Variants in COA6 observed in about 807,000 individuals in gnomAD.
COA6 encodes cytochrome c oxidase assembly factor 6.
A neutral mutation model predicts 17.1 loss-of-function variants in COA6; 12 were observed. The ratio of observed to expected loss-of-function variants is 0.70; its 90% CI spans 0.45 to 1.14. COA6 has a LOEUF of 1.14. Among genes scored for constraint, COA6 ranks in the 50% most tolerant of loss-of-function variants. COA6 has a pLI of 0.00. For synonymous variants in COA6, 90 were observed against 73.4 expected (o/e 1.23, Z -1.16); for missense variants, 246 against 196.5 (o/e 1.25, Z -1.51).
chr1:234,377,073 AGAGAGAG>A (rs1558124886), intron 2 of COA6, among the ~76,000 whole-genome samples: 1 of 98,022 alleles, frequency 1.0e-5, no homozygotes, highest in East Asian at 3.4e-4. Context: ...AGAGAGAGAG[AGAGAGAG>A]AGAGAGAGAG....
Position 234,382,333 on chromosome 1 carries a change from G to A in COA6, c.373-1390G>A, listed in dbSNP as rs559927596. ...AAGGCTGCTTCTGTGTCAGGGCGCC[G>A]TAGATCTTCTAGACAAAAGTGGGAT... On this transcript the variant is annotated intron_variant, in intron 2 of 2. Transcript: ENST00000366615. 1.7e-4 allele frequency among the ~76,000 whole-genome samples: 26 copies of A among 152,300 alleles called. No individual in the cohort carries two copies. The East Asian group carries it at 4.4e-3, about 26-fold the overall frequency.
chr1:234,383,032 AAGGAAGGGAGGG>A (rs1349890243), intron 2 of COA6, among the ~76,000 whole-genome samples: 5 of 58,758 alleles, frequency 8.5e-5, no homozygotes, highest in South Asian at 1.8e-3. Flanking sequence ...AGAGAGAGAG[AAGGAAGGGAGGG>A]AGGGAGGGAG....
In COA6 at chr1:234,384,055, G is replaced by GT. The variant is rs1659060416; in HGVS notation, c.*241dup. 1 of 339,108 alleles carries GT rather than the reference G, an allele frequency of 2.9e-6. No homozygotes were observed. The highest frequency in any genetic ancestry group is 4.4e-5 in the Admixed American group (1 of 22,762). The allele number at this position is 339,108 out of a possible 1,614,324, so 21.0% of individuals were successfully genotyped here. ...ACCTGTTATAAACACATGCACTTTT[G>GT]TTTTGTTTTTGTTTTGTTTTTAATT... On this transcript the variant is annotated 3_prime_UTR_variant, in exon 3 of 3. Transcript: ENST00000366615.
In COA6 at chr1:234,384,093, G is replaced by A. The variant is rs1659062220; in HGVS notation, c.*275G>A. On this transcript the variant is annotated 3_prime_UTR_variant, in exon 3 of 3. Transcript: ENST00000366615. ...TTTGTTTTTAATTAGAGGATGGGTA[G>A]TAGGCAGATGATAAAATTTATAATA... is the stretch of plus-strand genomic sequence containing the variant. 3 of 251,862 alleles carry A rather than the reference G, an allele frequency of 1.2e-5. No homozygotes were observed. Among genetic ancestry groups the A allele is most frequent in the East Asian group, 1.6e-4 (2 of 12,740 alleles). 15.6% of individuals were successfully genotyped at this position (251,862 alleles called of 1,614,324 possible).
In COA6 at chr1:234,373,666, G is replaced by A; in HGVS notation, c.200G>A (p.Gly67Glu). Residue 67 changes from glycine to glutamate, a missense_variant, in exon 1 of 3, where the codon GGG becomes GAG. Transcript: ENST00000366615. Reference sequence around the variant, plus strand: ...CGACATCGAAAGGAAGCCGGACGTGGGCGGGCAGAGAGGTCGGCTTGCTGA... The same window carrying A: ...CGACATCGAAAGGAAGCCGGACGTGAGCGGGCAGAGAGGTCGGCTTGCTGA... The part of the protein sequence containing the change: ...SRRHRKEAGR[G>E]RAESFIAVGM... 1 of 1,613,018 alleles carries A rather than the reference G, an allele frequency of 6.2e-7. No homozygotes were observed. Among genetic ancestry groups the A allele is most frequent in the East Asian group, 2.2e-5 (1 of 44,874 alleles).
At position 234,384,621 on chromosome 1, in the gene COA6, T is replaced by C. The variant is rs1417611550; in HGVS notation, c.*803T>C. Reference sequence around the variant, plus strand: ...GGAATACTTAGGTATAAATCTAATATATGGAGGCCTCTATGCTGAGAACTA... The same window carrying C: ...GGAATACTTAGGTATAAATCTAATACATGGAGGCCTCTATGCTGAGAACTA... On this transcript the variant is annotated 3_prime_UTR_variant, in exon 3 of 3. Transcript: ENST00000366615. Among the ~76,000 whole-genome samples, 3 of 152,180 alleles carry C rather than the reference T, an allele frequency of 2.0e-5. No individual in the cohort carries two copies. In the East Asian group the frequency reaches 5.8e-4, roughly 29 times the overall value.
chr1:234,373,726 C>T lies in COA6; in HGVS notation c.212+48C>T, dbSNP rs1658686135. 1 of 1,613,850 alleles carries T rather than the reference C, an allele frequency of 6.2e-7. No homozygotes were observed. Among genetic ancestry groups the T allele is most frequent in the Non-Finnish European group, 8.5e-7 (1 of 1,180,012 alleles). On this transcript the variant is annotated intron_variant, in intron 1 of 2. Coordinates refer to ENST00000366615, the MANE Select transcript of COA6 (RefSeq NM_001206641.3). ...GTGGGGCGCGCGTGGACTATGGGCC[C>T]GGGAGGTCCCTTACTGTCCCCGAGC...
rs570450661 is a variant in COA6 at position 234,380,306 on chromosome 1, T to C, written c.373-3417T>C. ...GAGGGCAAGTAAATGGAAATCTCTT[T>C]TGAGTGCATTCTGAATGAGATGCTT... is the stretch of plus-strand genomic sequence containing the variant. On this transcript the variant is annotated intron_variant, in intron 2 of 2. Transcript: ENST00000366615. 1.3e-5 allele frequency among the ~76,000 whole-genome samples: 2 copies of C among 152,348 alleles called. 1 individual carries two copies. Among genetic ancestry groups the C allele is most frequent in the African/African-American group, 4.8e-5 (2 of 41,586 alleles).
rs1460173528 is a variant in COA6 at position 234,379,198 on chromosome 1, CTTAG to C, written c.373-4523_373-4520del. On this transcript the variant is annotated intron_variant, in intron 2 of 2. Transcript: ENST00000366615. Reference sequence around the variant, plus strand: ...CCCGGCCATGGTTGGTGCTTTTACTCTTAGTAATACAGGAAGCTATTGGAGAGCT... The same window carrying C: ...CCCGGCCATGGTTGGTGCTTTTACTCTAATACAGGAAGCTATTGGAGAGCT... Among the ~76,000 whole-genome samples, 149 of 151,734 alleles carry C rather than the reference CTTAG, an allele frequency of 9.8e-4. 2 individuals are homozygous for C. Among genetic ancestry groups the C allele is most frequent in the African/African-American group, 3.4e-3 (141 of 41,354 alleles).
chr1:234,380,265 G>C (rs1365300938), intron 2 of COA6, among the ~76,000 whole-genome samples: 5 of 152,218 alleles, frequency 3.3e-5, no homozygotes, highest in African/African-American at 1.2e-4. Context: ...GTGCATAAGG[G>C]TGGGGAGGCA....
chr1:234,376,924 T>C (rs1305949557), intron 2 of COA6, among the ~76,000 whole-genome samples: 1 of 152,102 alleles, frequency 6.6e-6, no homozygotes, highest in Non-Finnish European at 1.5e-5. Flanking sequence ...CAGGCTGTCA[T>C]AACAAAATAC....
chr1:234,373,499 G>T lies in COA6; in HGVS notation c.33G>T (p.Arg11=), dbSNP rs1271422722. Residue 11 remains arginine, a synonymous_variant, in exon 1 of 3, where the codon CGG becomes CGT. Coordinates refer to ENST00000366615, the MANE Select transcript of COA6 (RefSeq NM_001206641.3). MVARKGQKSP[R]FRRVSCFLRL... Reference sequence around the variant, plus strand: ...CTCGGAAGGGTCAAAAGAGTCCGCGGTTTCGCCGCGTGAGTTGCTTTTTGC... The same window carrying T: ...CTCGGAAGGGTCAAAAGAGTCCGCGTTTTCGCCGCGTGAGTTGCTTTTTGC... 1 of 1,596,870 alleles carries T rather than the reference G, an allele frequency of 6.3e-7. No homozygotes were observed. The highest frequency in any genetic ancestry group is 1.1e-5 in the South Asian group (1 of 89,598).
rs1480808970 is a variant in COA6 at position 234,384,526 on chromosome 1, T to TATC, written c.*710_*712dup. ...ACACAAGGAAAATTATATTCCTATA[T>TATC]ATCAGCAATAAACAACTGGAATTTA... is the stretch of plus-strand genomic sequence containing the variant. On this transcript the variant is annotated 3_prime_UTR_variant, in exon 3 of 3. Transcript: ENST00000366615. Among the ~76,000 whole-genome samples, 3 of 152,314 alleles carry TATC rather than the reference T, an allele frequency of 2.0e-5. No individual in the cohort carries two copies. The South Asian group carries it at 6.2e-4, about 32-fold the overall frequency.
At chr1:234,379,522 G>A (rs993006224) in intron 2 of COA6, among the ~76,000 whole-genome samples, 1 of 152,168 alleles carries the variant, frequency 6.6e-6, no homozygotes, top group African/African-American at 2.4e-5. Flanking sequence ...AATTACCCGC[G>A]AGTTTTGACC....
chr1:234,377,137 T>TTGTTGTTGTTGC (rs1349777660), intron 2 of COA6, among the ~76,000 whole-genome samples: 1 of 133,218 alleles, frequency 7.5e-6, no homozygotes. Flanking sequence ...GTTTTTTTTG[T>TTGTTGTTGTTGC]TGTTGTTGAG....
At chr1:234,380,519 C>G (rs897842221) in intron 2 of COA6, among the ~76,000 whole-genome samples, 4 of 152,056 alleles carry the variant, frequency 2.6e-5, no homozygotes, top group African/African-American at 9.7e-5. Context: ...GATGTGACAG[C>G]CACGAAATAA....
Position 234,373,493 on chromosome 1 carries a change from T to G in COA6, c.27T>G (p.Ser9Arg), listed in dbSNP as rs1244286367. The change falls in exon 1 of 3, where the codon AGT (serine) becomes AGG (arginine). Residue 9 changes from serine to arginine, a missense_variant. Coordinates refer to ENST00000366615, the MANE Select transcript of COA6 (RefSeq NM_001206641.3). The stretch of plus-strand genomic sequence containing the variant: ...TGGTAGCTCGGAAGGGTCAAAAGAG[T>G]CCGCGGTTTCGCCGCGTGAGTTGCT... MVARKGQK[S>R]PRFRRVSCFL... 2.5e-6 allele frequency: 4 copies of G among 1,586,886 alleles called. No homozygotes were observed. The highest frequency in any genetic ancestry group is 3.4e-6 in the Non-Finnish European group (4 of 1,166,894).
At chr1:234,374,041 T>C (rs918505757) in intron 1 of COA6, 189 bp from the exon 2 acceptor site, 40 of 880,860 alleles carry the variant, frequency 4.5e-5, no homozygotes, top group Non-Finnish European at 6.1e-5. Flanking sequence ...GGTGGCCTTA[T>C]GCTGCCACTG....
chr1:234,383,765 G>T lies in COA6; in HGVS notation c.415G>T (p.Glu139Ter), dbSNP rs894298746. 8.9e-6 allele frequency: 14 copies of T among 1,567,810 alleles called. No individual in the cohort carries two copies. Among genetic ancestry groups the T allele is most frequent in the Non-Finnish European group, 1.1e-5 (13 of 1,142,734 alleles). The change falls in exon 3 of 3, where the codon GAA (glutamate) becomes TAA (stop). Residue 139 changes from glutamate (E) to a stop codon, truncating the protein, a stop_gained. Transcript: ENST00000366615. LOFTEE classifies it high-confidence loss of function. ...AAGAAGAGACTACTTAAAATTCAAA[G>T]AAAAATTTGAAGCAGGACAATTTGA... ...DKRRDYLKFK[E>*]KFEAGQFEPS... is the part of the protein sequence containing the mutation.
Sources: allele counts gnomAD v4.1 joint callset (sites outside exome capture counted in the v4.1 genomes callset), GRCh38; gene constraint gnomAD v4.1.1; transcripts MANE v1.5; gene names NCBI Gene and HGNC (gene_info 2026-07-23, HGNC 2026-07-21).